The following GALNTL6 variants were observed in gnomAD, a reference collection of about 807,000 sequenced individuals.
The protein encoded by GALNTL6 is polypeptide N-acetylgalactosaminyltransferase like 6.
Under a neutral mutation model 73.7 loss-of-function variants are expected in GALNTL6, and 46 were observed. The observed-to-expected ratio is 0.62, with a 90% CI of 0.49 to 0.80. The LOEUF is 0.80. GALNTL6 is among the 30% of genes least tolerant of loss of function. The pLI, the probability that GALNTL6 is intolerant of heterozygous loss-of-function variation, is 0.00. For missense variants in GALNTL6, 604 were observed against 755.0 expected (o/e 0.80, Z 2.34); for synonymous variants, 259 against 263.7 (o/e 0.98, Z 0.17).
chr4:172,620,319 T>C (rs1738904853), intron 5 of GALNTL6, among the ~76,000 whole-genome samples: 1 of 152,210 alleles, frequency 6.6e-6, no homozygotes, highest in African/African-American at 2.4e-5. Flanking sequence ...TAAGAATTTA[T>C]TTAAACAGGT....
chr4:171,841,868 G>A lies in GALNTL6; in HGVS notation c.138+27150G>A, dbSNP rs190912971. ...CAATGTCCTCCCAAAACTGAGATTT[G>A]GCATTACTGTCAATATAAATAAAAT... On this transcript the variant is annotated intron_variant, in intron 2 of 12. Transcript: ENST00000506823. Among the ~76,000 whole-genome samples the A allele has an allele frequency of 3.3e-5, 5 of 151,578 alleles. No homozygotes were observed. The East Asian group carries it at 9.7e-4, about 29-fold the overall frequency.
At chr4:172,288,343 G>A (rs1029652511) in intron 3 of GALNTL6, among the ~76,000 whole-genome samples, 3 of 151,906 alleles carry the variant, frequency 2.0e-5, no homozygotes, top group African/African-American at 7.3e-5. Flanking sequence ...CGCCTGCCTC[G>A]GCCTCCCAAA....
intron 5 of GALNTL6, among the ~76,000 whole-genome samples, chr4:172,514,833 A>G (rs552095607): frequency 6.6e-6 from 1 of 152,166 alleles, no homozygotes; most frequent in Non-Finnish European, 1.5e-5. Context: ...AATTTATTTC[A>G]GCTCTAGGTA....
At chr4:172,666,294 C>T (rs1049669647) in intron 5 of GALNTL6, among the ~76,000 whole-genome samples, 4 of 152,126 alleles carry the variant, frequency 2.6e-5, no homozygotes, top group Admixed American at 6.6e-5. Flanking sequence ...CTTTCCTTTG[C>T]ATTCACATGA....
At chr4:173,012,171 T>G (rs1387818316) in intron 11 of GALNTL6, among the ~76,000 whole-genome samples, 2 of 152,190 alleles carry the variant, frequency 1.3e-5, no homozygotes, top group Non-Finnish European at 2.9e-5. Context: ...TCATCTCTTA[T>G]GAAAAGCAAA....
intron 3 of GALNTL6, among the ~76,000 whole-genome samples, chr4:172,242,289 G>A (rs1263811538): frequency 1.3e-5 from 2 of 151,854 alleles, no homozygotes; most frequent in East Asian, 3.9e-4. Flanking sequence ...AAACATACAT[G>A]TTAAGTAATC....
intron 2 of GALNTL6, among the ~76,000 whole-genome samples, chr4:171,893,988 T>C (rs960088884): frequency 8.6e-6 from 1 of 116,650 alleles, no homozygotes; most frequent in South Asian, 3.0e-4. Context: ...GAGCTTGGGG[T>C]TGAAACTAAA....
chr4:172,279,586 A>C (rs1027331217), intron 3 of GALNTL6, among the ~76,000 whole-genome samples: 1 of 152,296 alleles, frequency 6.6e-6, no homozygotes, highest in Non-Finnish European at 1.5e-5. Flanking sequence ...GTGAAGATGA[A>C]GATATATTGG....
At chr4:172,830,437 TACTGCC>T (rs11278440) in intron 7 of GALNTL6, among the ~76,000 whole-genome samples, 146,791 of 152,040 alleles carry the variant, frequency 0.97, 71,046 homozygotes, top group East Asian at 1. Flanking sequence ...GTTTGTGTTA[TACTGCC>T]ACTGCCACCT....
intron 2 of GALNTL6, among the ~76,000 whole-genome samples, chr4:172,217,593 A>G (rs1736535294): frequency 6.6e-6 from 1 of 152,218 alleles, no homozygotes; most frequent in Non-Finnish European, 1.5e-5. Context: ...TAAATATTTT[A>G]GAATTTCTAG....
intron 5 of GALNTL6, among the ~76,000 whole-genome samples, chr4:172,392,759 A>C (rs1743709526): frequency 6.6e-6 from 1 of 152,176 alleles, no homozygotes; most frequent in Admixed American, 6.6e-5. Flanking sequence ...TCTACTGCTT[A>C]GCTTATCGGG....
intron 2 of GALNTL6, among the ~76,000 whole-genome samples, chr4:172,193,904 A>G (rs1439840535): frequency 1.3e-5 from 2 of 152,094 alleles, no homozygotes; most frequent in South Asian, 2.1e-4. Flanking sequence ...AAAAATGCCA[A>G]AAACTCAAAA....
At chr4:172,203,957 G>T (rs1167629973) in intron 2 of GALNTL6, among the ~76,000 whole-genome samples, 1 of 152,024 alleles carries the variant, frequency 6.6e-6, no homozygotes, top group Non-Finnish European at 1.5e-5. Flanking sequence ...TGTTGGTCAG[G>T]CAGGTCTCGA....
intron 5 of GALNTL6, among the ~76,000 whole-genome samples, chr4:172,530,871 A>G (rs1415983107): frequency 6.7e-6 from 1 of 148,478 alleles, no homozygotes; most frequent in Non-Finnish European, 1.5e-5. Context: ...ATGTCAGACA[A>G]CTTACAGAAT....
intron 5 of GALNTL6, chr4:172,545,697 C>G (rs1385381225): frequency 1.3e-5 from 2 of 152,244 alleles, no homozygotes; most frequent in Non-Finnish European, 2.9e-5. Context: ...ATGGTGCCAG[C>G]ACGTTGTAGG....
chr4:172,453,738 GT>G (rs1350674622), intron 5 of GALNTL6, among the ~76,000 whole-genome samples: 8 of 152,278 alleles, frequency 5.3e-5, no homozygotes, highest in Middle Eastern at 3.4e-3. Context: ...TTAATAAAAT[GT>G]TTTATTTTTA....
At chr4:172,668,709 A>G (rs1032464191) in intron 5 of GALNTL6, 11 of 152,184 alleles carry the variant, frequency 7.2e-5, no homozygotes, top group Non-Finnish European at 1.0e-4. Flanking sequence ...ATATTAGCAT[A>G]GCTCCCCATT....
rs528260422 is a variant in GALNTL6 at position 172,990,043 on chromosome 4, GT to G, written c.1372-19134del. 8.5e-5 allele frequency among the ~76,000 whole-genome samples: 13 copies of G among 152,252 alleles called. No homozygotes were observed. In the South Asian group the frequency reaches 2.7e-3, roughly 32 times the overall value. Reference sequence around the variant, plus strand: ...TTATTTACCACAGGTCAGGAACTCTGTACAGGGACTGTGTAAATAAGGTATA... The same window carrying G: ...TTATTTACCACAGGTCAGGAACTCTGACAGGGACTGTGTAAATAAGGTATA... On this transcript the variant is annotated intron_variant, in intron 10 of 12. Coordinates refer to ENST00000506823, the MANE Select transcript of GALNTL6 (RefSeq NM_001034845.3).
At chr4:172,126,957 A>C (rs1230752503) in intron 2 of GALNTL6, among the ~76,000 whole-genome samples, 1 of 152,158 alleles carries the variant, frequency 6.6e-6, no homozygotes, top group East Asian at 1.9e-4. Context: ...AAGCCACCAC[A>C]CATTTTCACG....
Sources: allele counts gnomAD v4.1 joint callset (sites outside exome capture counted in the v4.1 genomes callset), GRCh38; gene constraint gnomAD v4.1.1; transcripts MANE v1.5; gene names NCBI Gene and HGNC (gene_info 2026-07-23, HGNC 2026-07-21).